Variants in NRXN1 observed in about 807,000 individuals in gnomAD.
NRXN1 encodes the protein neurexin-1.
Under a neutral mutation model 150.9 loss-of-function variants are expected in NRXN1, and 39 were observed. The ratio of observed to expected loss-of-function variants is 0.26; its 90% CI spans 0.20 to 0.34. The LOEUF is 0.34. Among genes scored for constraint, NRXN1 ranks in the 10% least tolerant of loss-of-function variants. NRXN1 has a pLI of 1.00. For synonymous variants in NRXN1, 924 were observed against 757.0 expected (o/e 1.22, Z -3.62); for missense variants, 1,815 against 1,949.9 (o/e 0.93, Z 1.30).
chr2:50,670,578 T>C (rs963916776), intron 5 of NRXN1, among the ~76,000 whole-genome samples: 2 of 151,932 alleles, frequency 1.3e-5, no homozygotes, highest in Non-Finnish European at 2.9e-5. Context: ...TTCAATATTA[T>C]TCACCAAATT....
At chr2:50,432,630 A>G (rs1456942765) in intron 17 of NRXN1, among the ~76,000 whole-genome samples, 1 of 152,132 alleles carries the variant, frequency 6.6e-6, no homozygotes, top group East Asian at 1.9e-4. Context: ...ACATCTGATT[A>G]CTTGAGACAG....
intron 8 of NRXN1, chr2:50,619,671 T>A (rs1679643263): frequency 5.2e-6 from 2 of 385,152 alleles, no homozygotes; most frequent in Non-Finnish European, 9.2e-6. Flanking sequence ...CATCACTGTA[T>A]GCATAACACC....
chr2:50,978,886 A>G (rs919064640), intron 2 of NRXN1, among the ~76,000 whole-genome samples: 18 of 152,114 alleles, frequency 1.2e-4, no homozygotes, highest in Non-Finnish European at 2.5e-4. Flanking sequence ...GTGAGATAAC[A>G]TACTCAACAA....
intron 5 of NRXN1, among the ~76,000 whole-genome samples, chr2:50,902,370 G>GT (rs772474962): frequency 6.6e-6 from 1 of 150,446 alleles, no homozygotes; most frequent in Non-Finnish European, 1.5e-5. Flanking sequence ...ACAAAAACAA[G>GT]TTTTCTCGGG....
rs888188216 is a variant in NRXN1 at position 50,942,348 on chromosome 2, C to A, written c.773-16393G>T. Among the ~76,000 whole-genome samples, 6 of 152,150 alleles carry A rather than the reference C, an allele frequency of 3.9e-5. No homozygotes were observed. The East Asian group carries it at 9.6e-4, about 24-fold the overall frequency. The stretch of plus-strand genomic sequence containing the variant: ...CCCCCACAAAGAGTTGCCACTGAGG[C>A]ACTGCCTAGTGGAGTTGTGAGAAGG... On this transcript the variant is annotated intron_variant, in intron 2 of 22. Coordinates refer to ENST00000401669, the MANE Select transcript of NRXN1 (RefSeq NM_001330078.2).
chr2:50,160,205 G>A (rs2059276917), intron 18 of NRXN1, among the ~76,000 whole-genome samples: 1 of 151,860 alleles, frequency 6.6e-6, no homozygotes, highest in South Asian at 2.1e-4. Context: ...CTTCTATCAG[G>A]TAAGGTACAA....
rs1323306682 is a variant in NRXN1 at position 50,522,719 on chromosome 2, C to CCTTT, written c.2374+5905_2374+5906insAAAG. On this transcript the variant is annotated intron_variant, in intron 12 of 22. Transcript: ENST00000401669. ...TTCCATTTATTCATTTATTTTTATT[C>CCTTT]ATTTTTTTTTTTTTTTTTTTTTTTT... Among the ~76,000 whole-genome samples, 659 of 86,526 alleles carry CCTTT rather than the reference C, an allele frequency of 7.6e-3. 154 individuals carry two copies. The highest frequency in any genetic ancestry group is 0.013 in the African/African-American group (220 of 16,772). 56.8% of individuals were successfully genotyped at this position (86,526 alleles called of 152,430 possible). A position where few individuals can be genotyped will look rare whatever the true frequency, so the allele number is the denominator to read the frequency against.
At chr2:49,981,071 C>T (rs1347036703) in intron 21 of NRXN1, among the ~76,000 whole-genome samples, 1 of 152,134 alleles carries the variant, frequency 6.6e-6, no homozygotes, top group Non-Finnish European at 1.5e-5. Flanking sequence ...GGTGCCAAAA[C>T]ATGCTCATTT....
At chr2:50,515,607 GTGT>G (rs2092607006) in intron 12 of NRXN1, among the ~76,000 whole-genome samples, 1 of 139,100 alleles carries the variant, frequency 7.2e-6, no homozygotes, top group Non-Finnish European at 1.5e-5. Flanking sequence ...TGGGGTGTGT[GTGT>G]GTGTGTGTGT....
intron 18 of NRXN1, among the ~76,000 whole-genome samples, chr2:50,229,983 T>C (rs2064785382): frequency 6.6e-6 from 1 of 151,994 alleles, no homozygotes. Context: ...TTCTATAAAA[T>C]AGCTTGGGGC....
At position 49,981,548 on chromosome 2, in the gene NRXN1, C is replaced by G. The variant is rs527841951; in HGVS notation, c.4129-37757G>C. On this transcript the variant is annotated intron_variant, in intron 21 of 22. Transcript: ENST00000401669. ...CAAGTGTAAATCCTCTTCCCCCCCA[C>G]TTTTCCCGCTCTTGATAATGACCCA... Among the ~76,000 whole-genome samples, 11 of 152,172 alleles carry G rather than the reference C, an allele frequency of 7.2e-5. No homozygotes were observed. The East Asian group carries it at 2.1e-3, about 29-fold the overall frequency.
chr2:49,988,571 AC>A (rs1235779436), intron 21 of NRXN1, among the ~76,000 whole-genome samples: 1 of 151,208 alleles, frequency 6.6e-6, no homozygotes, highest in Admixed American at 6.6e-5. Flanking sequence ...GTTCTCTTAG[AC>A]ATTTTACCCT....
At chr2:50,829,380 G>C in intron 5 of NRXN1, 2 of 1,077,972 alleles carry the variant, frequency 1.9e-6, no homozygotes, top group Non-Finnish European at 2.8e-6. Flanking sequence ...CGCCCGCCTC[G>C]GGCTCCCAAA....
intron 5 of NRXN1, chr2:50,632,897 C>A (rs1204264255): frequency 6.6e-6 from 1 of 151,944 alleles, no homozygotes; most frequent in Non-Finnish European, 1.5e-5. Flanking sequence ...AGCAGAGAGT[C>A]CAGGCTTTAA....
chr2:50,977,390 T>C (rs774608464), intron 2 of NRXN1, among the ~76,000 whole-genome samples: 3 of 151,822 alleles, frequency 2.0e-5, no homozygotes, highest in Admixed American at 6.6e-5. Context: ...TAATTTTACA[T>C]ATGACTGGCA....
intron 19 of NRXN1, among the ~76,000 whole-genome samples, chr2:50,070,976 G>C (rs924805014): frequency 6.6e-6 from 1 of 152,088 alleles, no homozygotes; most frequent in Non-Finnish European, 1.5e-5. Context: ...TATTTCTAGT[G>C]ATCTCTAAAT....
chr2:50,609,402 G>T (rs1677659341), intron 8 of NRXN1, among the ~76,000 whole-genome samples: 1 of 152,106 alleles, frequency 6.6e-6, no homozygotes, highest in African/African-American at 2.4e-5. Flanking sequence ...ATAAGTCCAT[G>T]AGAAGGCCCT....
chr2:50,038,732 T>TC (rs1488847598), intron 21 of NRXN1, among the ~76,000 whole-genome samples: 15 of 151,838 alleles, frequency 9.9e-5, no homozygotes, highest in African/African-American at 3.4e-4. Context: ...GTTTTCTCCG[T>TC]CCTTCCCTCC....
At chr2:49,993,089 T>A (rs1350737761) in intron 21 of NRXN1, among the ~76,000 whole-genome samples, 1 of 152,192 alleles carries the variant, frequency 6.6e-6, no homozygotes, top group African/African-American at 2.4e-5. Flanking sequence ...AAACTTACGT[T>A]CACACAAAAA....
Sources: gnomAD v4.1 joint callset for allele counts (sites outside exome capture counted in the v4.1 genomes callset) on GRCh38, gnomAD v4.1.1 for gene constraint, MANE v1.5 for transcripts, NCBI Gene and HGNC (gene_info 2026-07-23, HGNC 2026-07-21) for gene names.